H2BC26: variants seen among roughly 807,000 people sequenced by gnomAD.
H2BC26 encodes the protein histone H2B type 3-B.
chr1:228,458,354 C>T, the H2BC26 span: 25 of 1,614,114 alleles, frequency 1.5e-5, no homozygotes, highest in East Asian at 1.8e-4. Context: ...AGCGCATCGC[C>T]AGCGAGGCCT....
At chr1:228,458,451 G>A in the H2BC26 span, 1 of 1,614,174 alleles carries the variant, frequency 6.2e-7, no homozygotes. Context: ...CGGCGAGCTG[G>A]CCAAGCACGC....
the H2BC26 span, chr1:228,458,179 A>G: frequency 6.2e-7 from 1 of 1,613,816 alleles, no homozygotes; most frequent in Non-Finnish European, 8.5e-7. Context: ...GGTTCTAAAA[A>G]GGCTGTCACC....
chr1:228,458,450 G>A, the H2BC26 span: 21 of 1,614,088 alleles, frequency 1.3e-5, no homozygotes, highest in Non-Finnish European at 2.5e-6. Flanking sequence ...CCGGCGAGCT[G>A]GCCAAGCACG....
At chr1:228,458,167 AG>A in the H2BC26 span, 1 of 1,612,960 alleles carries the variant, frequency 6.2e-7, no homozygotes, top group Non-Finnish European at 8.5e-7. Context: ...GCGCCCAAGA[AG>A]GGTTCTAAAA....
At chr1:228,458,127 A>G in the H2BC26 span, 4 of 1,586,932 alleles carry the variant, frequency 2.5e-6, no homozygotes, top group African/African-American at 1.4e-5. Flanking sequence ...AGACTCAGCC[A>G]TCATGCCAGA....
chr1:228,458,120 C>G, the H2BC26 span: 6 of 1,577,752 alleles, frequency 3.8e-6, no homozygotes, highest in Admixed American at 1.1e-4. Context: ...TTTGGAGAGA[C>G]TCAGCCATCA....
chr1:228,458,153 T>C, the H2BC26 span: 1 of 1,610,098 alleles, frequency 6.2e-7, no homozygotes, highest in Non-Finnish European at 8.5e-7. Context: ...CCAAATCGGC[T>C]CCTGCGCCCA....
chr1:228,458,207 C>T, the H2BC26 span: 61 of 1,614,010 alleles, frequency 3.8e-5, no homozygotes, highest in African/African-American at 2.1e-4. Flanking sequence ...AGAAGAAGGA[C>T]GGCAAGAAGC....
chr1:228,458,150 G>A, the H2BC26 span: 23 of 1,609,000 alleles, frequency 1.4e-5, no homozygotes, highest in East Asian at 2.5e-4. Flanking sequence ...CGTCCAAATC[G>A]GCTCCTGCGC....
the H2BC26 span, chr1:228,458,110 T>C: frequency 1.3e-6 from 2 of 1,562,904 alleles, no homozygotes; most frequent in East Asian, 2.2e-5. Context: ...CGCGTTTCTG[T>C]TTGGAGAGAC....
At chr1:228,458,506 A>G in the H2BC26 span, 2 of 1,614,176 alleles carry the variant, frequency 1.2e-6, no homozygotes, top group Admixed American at 3.3e-5. Flanking sequence ...ACCAGCTCCA[A>G]GTGAGGCGTT....
chr1:228,458,515 T>A, the H2BC26 span: 8 of 1,613,984 alleles, frequency 5.0e-6, no homozygotes, highest in Non-Finnish European at 6.8e-6. Context: ...AAGTGAGGCG[T>A]TCCTCGGCGT....
At chr1:228,458,238 A>T in the H2BC26 span, 1 of 1,613,996 alleles carries the variant, frequency 6.2e-7, no homozygotes, top group Non-Finnish European at 8.5e-7. Context: ...CCGCAAGGAG[A>T]GCTATTCTAT....
the H2BC26 span, chr1:228,458,178 A>T: frequency 1.9e-6 from 3 of 1,613,856 alleles, no homozygotes; most frequent in Non-Finnish European, 2.5e-6. Flanking sequence ...GGGTTCTAAA[A>T]AGGCTGTCAC....
At chr1:228,458,322 T>C in the H2BC26 span, 1 of 1,614,194 alleles carries the variant, frequency 6.2e-7, no homozygotes, top group Non-Finnish European at 8.5e-7. Context: ...CATCATGAAC[T>C]CCTTCGTCAA....
chr1:228,458,195 A>C, the H2BC26 span: 2 of 1,614,080 alleles, frequency 1.2e-6, no homozygotes, highest in Non-Finnish European at 1.7e-6. Context: ...TCACCAAGGC[A>C]CAGAAGAAGG....
the H2BC26 span, chr1:228,458,205 G>A: frequency 6.2e-7 from 1 of 1,614,122 alleles, no homozygotes; most frequent in Non-Finnish European, 8.5e-7. Context: ...ACAGAAGAAG[G>A]ACGGCAAGAA....
chr1:228,458,134 C>T, the H2BC26 span: 19 of 1,602,604 alleles, frequency 1.2e-5, no homozygotes, highest in Admixed American at 3.4e-5. Context: ...GCCATCATGC[C>T]AGACCCGTCC....
chr1:228,458,336 C>T, the H2BC26 span: 3 of 1,614,124 alleles, frequency 1.9e-6, no homozygotes, highest in African/African-American at 1.3e-5. Context: ...TCGTCAATGA[C>T]ATCTTCGAGC....
Sources: gnomAD v4.1 joint callset for allele counts on GRCh38, gnomAD v4.1.1 for gene constraint, MANE v1.5 for transcripts, NCBI Gene and HGNC (gene_info 2026-07-23, HGNC 2026-07-21) for gene names.